Variants in SGCG observed in about 807,000 individuals in gnomAD.
SGCG encodes the protein gamma-sarcoglycan.
SGCG carries 26 observed loss-of-function variants against 29.3 expected under a neutral mutation model. The ratio of observed to expected loss-of-function variants is 0.89; its 90% CI spans 0.65 to 1.23. The LOEUF (loss-of-function observed/expected upper bound fraction) is 1.23, where lower values mean the gene tolerates loss of function less well. SGCG is among the 50% of genes most tolerant of loss of function. The probability of loss-of-function intolerance (pLI) is 0.00; values close to 1 mark genes in which losing one functional copy is unlikely to be tolerated. For synonymous variants in SGCG, 145 were observed against 129.7 expected (o/e 1.12, Z -0.80); for missense variants, 353 against 356.0 (o/e 0.99, Z 0.07).
chr13:23,172,779 G>A, the SGCG span, among the ~76,000 whole-genome samples: 1 of 152,220 alleles, frequency 6.6e-6, no homozygotes, highest in African/African-American at 2.4e-5. Flanking sequence ...ACAGGTTATA[G>A]ACAAGGAACA....
chr13:23,301,614 C>T (rs1011512182), intron 6 of SGCG, among the ~76,000 whole-genome samples: 3 of 152,166 alleles, frequency 2.0e-5, no homozygotes, highest in Non-Finnish European at 1.5e-5. Flanking sequence ...GGGTCCGGCG[C>T]GGTGGCTCAC....
At chr13:23,192,111 T>C (rs1339075531) in intron 1 of SGCG, among the ~76,000 whole-genome samples, 1 of 150,406 alleles carries the variant, frequency 6.6e-6, no homozygotes, top group Non-Finnish European at 1.5e-5. Context: ...GGAAGCGGAG[T>C]TTGCAGTGAG....
chr13:23,236,256 CT>C (rs747647464), intron 3 of SGCG, among the ~76,000 whole-genome samples: 2 of 152,150 alleles, frequency 1.3e-5, no homozygotes, highest in African/African-American at 2.4e-5. Context: ...ACTTGGTCTT[CT>C]TTTTTCCCCA....
At chr13:23,173,548 T>C in the SGCG span, among the ~76,000 whole-genome samples, 2 of 152,352 alleles carry the variant, frequency 1.3e-5, no homozygotes, top group East Asian at 1.9e-4. Flanking sequence ...TCTGATGTTC[T>C]CTGTTCAGTT....
chr13:23,179,784 G>A (rs531160177), upstream of SGCG, among the ~76,000 whole-genome samples: 4 of 152,258 alleles, frequency 2.6e-5, no homozygotes, highest in South Asian at 8.3e-4. Flanking sequence ...TTATGGTAGA[G>A]TATAAATAAG....
At chr13:23,245,482 A>G (rs1283807165) in intron 3 of SGCG, 1 of 152,116 alleles carries the variant, frequency 6.6e-6, no homozygotes, top group Admixed American at 6.5e-5. Flanking sequence ...AGCCTAGGAG[A>G]GTGTCTCTAC....
chr13:23,227,579 GA>G (rs1321095008), intron 2 of SGCG, among the ~76,000 whole-genome samples: 4 of 152,290 alleles, frequency 2.6e-5, no homozygotes, highest in African/African-American at 9.6e-5. Context: ...ACAACCAATG[GA>G]ATACAACTCA....
intron 2 of SGCG, among the ~76,000 whole-genome samples, chr13:23,231,334 T>C (rs1287753199): frequency 6.6e-6 from 1 of 151,304 alleles, no homozygotes; most frequent in East Asian, 1.9e-4. Context: ...TTTCTCTTTT[T>C]TTTTTTTTTG....
At chr13:23,218,749 T>G (rs1347232795) in intron 2 of SGCG, among the ~76,000 whole-genome samples, 2 of 151,920 alleles carry the variant, frequency 1.3e-5, no homozygotes, top group Non-Finnish European at 2.9e-5. Flanking sequence ...TTTATTGTAT[T>G]AATACAAATA....
chr13:23,203,371 C>T (rs1242512824), intron 1 of SGCG, among the ~76,000 whole-genome samples: 1 of 152,072 alleles, frequency 6.6e-6, no homozygotes, highest in East Asian at 1.9e-4. Flanking sequence ...AAGTTTAACC[C>T]TGAAGAATTC....
chr13:23,229,505 G>A (rs1338882374), intron 2 of SGCG, among the ~76,000 whole-genome samples: 2 of 152,176 alleles, frequency 1.3e-5, no homozygotes, highest in Non-Finnish European at 2.9e-5. Flanking sequence ...TGACTGGTGT[G>A]AGATTGTAGC....
At chr13:23,294,721 G>A (rs4418913) in intron 5 of SGCG, among the ~76,000 whole-genome samples, 13,993 of 152,168 alleles carry the variant, frequency 0.092, 698 homozygotes, top group South Asian at 0.13. Context: ...GCCACTTCTC[G>A]GCTGTGGAAC....
intron 2 of SGCG, among the ~76,000 whole-genome samples, chr13:23,227,316 A>G (rs200015984): frequency 2.8e-4 from 11 of 39,294 alleles, no homozygotes; most frequent in South Asian, 3.0e-3. Flanking sequence ...TAAGAATGGG[A>G]AAAAAAAAAA....
the SGCG span, among the ~76,000 whole-genome samples, chr13:23,171,897 G>C: frequency 1.2e-4 from 19 of 152,186 alleles, no homozygotes; most frequent in Non-Finnish European, 2.5e-4. Flanking sequence ...CATGGCCTGG[G>C]GGTTGGGAAC....
intron 6 of SGCG, 22 bp from the exon 7 acceptor site, chr13:23,320,609 TTTTTTG>T (rs758813884): frequency 1.0e-4 from 154 of 1,480,180 alleles, no homozygotes; most frequent in Middle Eastern, 1.8e-4. Context: ...TTTTTTTTTT[TTTTTTG>T]TGCTTCTTTT....
intron 1 of SGCG, among the ~76,000 whole-genome samples, chr13:23,203,025 T>C (rs1325590645): frequency 6.6e-6 from 1 of 152,148 alleles, no homozygotes; most frequent in African/African-American, 2.4e-5. Flanking sequence ...AGTGGCGCGA[T>C]CTCTGCTCAC....
chr13:23,292,357 G>A (rs919681706), intron 5 of SGCG, among the ~76,000 whole-genome samples: 1 of 152,190 alleles, frequency 6.6e-6, no homozygotes, highest in Non-Finnish European at 1.5e-5. Context: ...TGATCTGCCT[G>A]CCTTGGCCTC....
At chr13:23,300,020 A>T in intron 6 of SGCG, among the ~76,000 whole-genome samples, 1 of 152,238 alleles carries the variant, frequency 6.6e-6, no homozygotes, top group Non-Finnish European at 1.5e-5. Context: ...TATTGGAGGC[A>T]TAGGCAAATA....
intron 2 of SGCG, among the ~76,000 whole-genome samples, chr13:23,217,857 A>G (rs1277601161): frequency 1.3e-5 from 2 of 152,064 alleles, no homozygotes; most frequent in African/African-American, 4.8e-5. Context: ...ATGGCCCTAT[A>G]TGAGATGTCA....
Sources: allele counts gnomAD v4.1 joint callset (sites outside exome capture counted in the v4.1 genomes callset), GRCh38; gene constraint gnomAD v4.1.1; transcripts MANE v1.5; gene names NCBI Gene and HGNC (gene_info 2026-07-23, HGNC 2026-07-21).